LARGE1: variants seen among roughly 807,000 people sequenced by gnomAD.
LARGE1 encodes the protein LARGE xylosyl- and glucuronyltransferase 1.
A neutral mutation model predicts 87.6 loss-of-function variants in LARGE1; 43 were observed. That is an observed-to-expected ratio of 0.49 (90% CI 0.38 to 0.63). LARGE1 has a LOEUF of 0.63. Ranked by LOEUF, LARGE1 falls within the 30% of genes least tolerant of loss-of-function variation. LARGE1 has a pLI of 0.00. For missense variants in LARGE1, 802 were observed against 1,000.2 expected (o/e 0.80, Z 2.67); for synonymous variants, 434 against 394.6 (o/e 1.10, Z -1.18).
chr22:33,908,945 T>C (rs2065540147), intron 1 of LARGE1, among the ~76,000 whole-genome samples: 1 of 152,162 alleles, frequency 6.6e-6, no homozygotes. Context: ...TCCACGCAGC[T>C]GCTTTAGGAG....
chr22:33,823,774 T>C (rs1400722680), intron 1 of LARGE1, among the ~76,000 whole-genome samples: 3 of 152,190 alleles, frequency 2.0e-5, no homozygotes, highest in Non-Finnish European at 4.4e-5. Flanking sequence ...CTCTTTCTGC[T>C]GCCCTTTGGG....
chr22:33,541,296 C>T (rs1045659425), intron 6 of LARGE1, among the ~76,000 whole-genome samples: 1 of 151,128 alleles, frequency 6.6e-6, no homozygotes, highest in African/African-American at 2.4e-5. Context: ...GGCAAGCCGA[C>T]TTTTTGACTT....
chr22:33,428,598 C>A (rs1236322227), intron 7 of LARGE1, among the ~76,000 whole-genome samples: 3 of 134,292 alleles, frequency 2.2e-5, no homozygotes, highest in African/African-American at 8.7e-5. Context: ...CAGGCGTGAG[C>A]CACCGTGCCT....
chr22:33,070,509 A>G, the LARGE1 span, among the ~76,000 whole-genome samples: 1 of 152,144 alleles, frequency 6.6e-6, no homozygotes, highest in Non-Finnish European at 1.5e-5. Context: ...CAAACAGCAC[A>G]GCCCCCATAA....
At chr22:33,237,673 G>T (rs1926318515) in intron 11 of LARGE1, among the ~76,000 whole-genome samples, 1 of 152,228 alleles carries the variant, frequency 6.6e-6, no homozygotes, top group African/African-American at 2.4e-5. Flanking sequence ...AAGGGAGTGA[G>T]ATTTCATTAT....
In LARGE1 at chr22:33,604,516, C is replaced by T. The variant is rs772655607; in HGVS notation, c.534G>A (p.Ala178=). ...GGAAGAGCGTGGCCAGGATCTGCTC[C>T]GCAATGGAGTCAGCAATAAGGTGGA... ...LHFHLIADSI[A]EQILATLFQT... is the part of the protein sequence containing the mutation. Residue 178 remains alanine (A), a synonymous_variant, in exon 5 of 15, where the codon GCG becomes GCA. Transcript: ENST00000397394. 5.6e-6 allele frequency: 9 copies of T among 1,613,932 alleles called. No individual in the cohort carries two copies. Among genetic ancestry groups the T allele is most frequent in the South Asian group, 5.5e-5 (5 of 91,082 alleles).
At chr22:33,148,012 C>A in the LARGE1 span, among the ~76,000 whole-genome samples, 1 of 152,150 alleles carries the variant, frequency 6.6e-6, no homozygotes, top group South Asian at 2.1e-4. Context: ...GCTCTGTCCT[C>A]ATGCATAAAT....
intron 11 of LARGE1, among the ~76,000 whole-genome samples, chr22:33,250,544 C>T (rs1926966041): frequency 6.6e-6 from 1 of 152,262 alleles, no homozygotes; most frequent in South Asian, 2.1e-4. Flanking sequence ...ATTAGTAATG[C>T]CAGTATGATG....
At chr22:33,633,945 C>G (rs150462488) in intron 3 of LARGE1, among the ~76,000 whole-genome samples, 53 of 152,278 alleles carry the variant, frequency 3.5e-4, no homozygotes, top group African/African-American at 1.1e-3. Flanking sequence ...GCCACAAGCT[C>G]GAAGCTAAGT....
At chr22:33,437,703 G>C (rs2067321373) in intron 6 of LARGE1, among the ~76,000 whole-genome samples, 1 of 152,022 alleles carries the variant, frequency 6.6e-6, no homozygotes, top group Admixed American at 6.6e-5. Flanking sequence ...TGAGACGTTG[G>C]TTCAGCTTAG....
At chr22:33,155,744 G>T in the LARGE1 span, among the ~76,000 whole-genome samples, 1 of 152,186 alleles carries the variant, frequency 6.6e-6, no homozygotes, top group Non-Finnish European at 1.5e-5. Context: ...TAATCACCAA[G>T]ACAAAGGAGA....
intron 9 of LARGE1, among the ~76,000 whole-genome samples, chr22:33,378,203 C>T (rs1363430922): frequency 6.6e-6 from 1 of 152,146 alleles, no homozygotes; most frequent in East Asian, 1.9e-4. Context: ...CTGCCAAGTG[C>T]CTGGCAAATT....
At chr22:33,581,194 G>A (rs2078508683) in intron 5 of LARGE1, among the ~76,000 whole-genome samples, 1 of 152,184 alleles carries the variant, frequency 6.6e-6, no homozygotes, top group Non-Finnish European at 1.5e-5. Flanking sequence ...TAGTAAGTGG[G>A]AGAGTTAAAA....
chr22:33,829,382 C>T (rs988368967), intron 1 of LARGE1, among the ~76,000 whole-genome samples: 34 of 152,134 alleles, frequency 2.2e-4, no homozygotes, highest in Middle Eastern at 3.4e-3. Flanking sequence ...ACCCCACTAC[C>T]ATTAAACTGC....
At chr22:33,597,369 A>G (rs2079006769) in intron 5 of LARGE1, among the ~76,000 whole-genome samples, 1 of 152,082 alleles carries the variant, frequency 6.6e-6, no homozygotes, top group Admixed American at 6.5e-5. Context: ...CTCTCCCAGA[A>G]GAAAATGTCC....
At chr22:33,680,411 G>T (rs2081725894) in intron 2 of LARGE1, among the ~76,000 whole-genome samples, 1 of 149,828 alleles carries the variant, frequency 6.7e-6, no homozygotes, top group Non-Finnish European at 1.5e-5. Flanking sequence ...ACAGAGAGCA[G>T]ATCTCACTCT....
intron 6 of LARGE1, among the ~76,000 whole-genome samples, chr22:33,508,515 T>A (rs1406947728): frequency 6.6e-6 from 1 of 152,202 alleles, no homozygotes; most frequent in Non-Finnish European, 1.5e-5. Context: ...AAATTCTCTT[T>A]CCTTGGTTTC....
chr22:33,878,154 T>TTTTA (rs1489109532), intron 1 of LARGE1, among the ~76,000 whole-genome samples: 1 of 136,030 alleles, frequency 7.4e-6, no homozygotes, highest in East Asian at 2.2e-4. Flanking sequence ...TTTTTTTTTT[T>TTTTA]AGAGACAGAG....
intron 2 of LARGE1, among the ~76,000 whole-genome samples, chr22:33,654,089 G>A (rs1194740302): frequency 6.6e-6 from 1 of 152,138 alleles, no homozygotes; most frequent in Non-Finnish European, 1.5e-5. Context: ...GACCCCAAAT[G>A]GTTTTAACCA....
Sources: allele counts gnomAD v4.1 joint callset (sites outside exome capture counted in the v4.1 genomes callset), GRCh38; gene constraint gnomAD v4.1.1; transcripts MANE v1.5; gene names NCBI Gene and HGNC (gene_info 2026-07-23, HGNC 2026-07-21).